NR4A3: variants seen among roughly 807,000 people sequenced by gnomAD.
The protein encoded by NR4A3 is chondrosarcoma, extraskeletal myxoid, fused to EWS.
In NR4A3, 13 loss-of-function variants were observed where a neutral mutation model predicts 55.6. That is an observed-to-expected ratio of 0.23 (90% CI 0.15 to 0.37). NR4A3 has a LOEUF of 0.37. NR4A3 is among the 10% of genes least tolerant of loss of function. The pLI, the probability that NR4A3 is intolerant of heterozygous loss-of-function variation, is 1.00. For synonymous variants in NR4A3, 342 were observed against 357.9 expected (o/e 0.96, Z 0.50); for missense variants, 646 against 822.8 (o/e 0.79, Z 2.63).
chr9:99,862,103 A>G (rs1292404632), intron 7 of NR4A3, among the ~76,000 whole-genome samples: 3 of 152,166 alleles, frequency 2.0e-5, no homozygotes, highest in Non-Finnish European at 4.4e-5. Flanking sequence ...CAAAAAAAAA[A>G]AAAATTAATT....
At chr9:99,830,637 A>T (rs1827420332) in intron 3 of NR4A3, among the ~76,000 whole-genome samples, 1 of 152,104 alleles carries the variant, frequency 6.6e-6, no homozygotes, top group African/African-American at 2.4e-5. Context: ...ATTTTATTTT[A>T]TTTTTTAGCC....
At position 99,860,214 on chromosome 9, in the gene NR4A3, GT is replaced by G. The variant is rs11370881; in HGVS notation, c.1634-3395del. On this transcript the variant is annotated intron_variant, in intron 7 of 7. Transcript: ENST00000395097. Reference sequence around the variant, plus strand: ...CTACTCTTTATTTAATGTTGTAAACGTTTTTTTTTTTAATTTTGCTTCATGG... The same window carrying G: ...CTACTCTTTATTTAATGTTGTAAACGTTTTTTTTTTAATTTTGCTTCATGG... Among the ~76,000 whole-genome samples, 700 of 148,298 alleles carry G rather than the reference GT, an allele frequency of 4.7e-3. 8 individuals carry two copies. Among genetic ancestry groups the G allele is most frequent in the African/African-American group, 0.015 (606 of 40,368 alleles).
Position 99,864,520 on chromosome 9 carries a change from C to A in NR4A3, c.*653C>A, listed in dbSNP as rs1161254654. 2 of 227,038 alleles carry A rather than the reference C, an allele frequency of 8.8e-6. No homozygotes were observed. The highest frequency in any genetic ancestry group is 1.8e-5 in the Non-Finnish European group (2 of 113,986). 14.1% of individuals were successfully genotyped at this position (227,038 alleles called of 1,614,324 possible). A position where few individuals can be genotyped will look rare whatever the true frequency, so the allele number is the denominator to read the frequency against. On this transcript the variant is annotated 3_prime_UTR_variant, in exon 8 of 8. Transcript: ENST00000395097. ...TTACTAAGTCTTGTTTATTAACTCT[C>A]CTTTATTCTATATGGAAATAAAAAG...
intron 7 of NR4A3, 105 bp downstream of exon 7, chr9:99,847,720 CTA>C (rs1473402820): frequency 9.4e-7 from 1 of 1,066,472 alleles, no homozygotes; most frequent in East Asian, 2.4e-5. Flanking sequence ...GGGAAAATGA[CTA>C]CCATTTTTCT....
At chr9:99,855,696 G>A (rs940613274) in intron 7 of NR4A3, among the ~76,000 whole-genome samples, 2 of 152,248 alleles carry the variant, frequency 1.3e-5, no homozygotes, top group African/African-American at 4.8e-5. Context: ...AGGATGTTGT[G>A]TATGACATGA....
At chr9:99,829,022 C>T (rs1400628497) in intron 3 of NR4A3, 29 bp downstream of exon 3, 2 of 1,311,342 alleles carry the variant, frequency 1.5e-6, no homozygotes, top group African/African-American at 3.0e-5. Flanking sequence ...CTCCCCTCCG[C>T]ACCCAGCCCC....
Position 99,844,702 on chromosome 9 carries a change from A to T in NR4A3, c.1308A>T (p.Gln436His). 1 of 1,614,208 alleles carries T rather than the reference A, an allele frequency of 6.2e-7. No individual in the cohort carries two copies. The highest frequency in any genetic ancestry group is 8.5e-7 in the Non-Finnish European group (1 of 1,180,032). The change falls in exon 6 of 8, where the codon CAA becomes CAT. Residue 436 changes from glutamine to histidine, a missense_variant. Gln to His is a conservative substitution (Grantham distance 24). Coordinates refer to ENST00000395097, the MANE Select transcript of NR4A3 (RefSeq NM_006981.4). ...AAGTDAEHVQ[Q>H]FYNLLTASID... ...GCACAGATGCTGAGCATGTGCAACA[A>T]TTCTACAACCTCCTGACAGCCTCCA...
Position 99,866,303 on chromosome 9 carries a change from G to A in NR4A3, c.*2436G>A, listed in dbSNP as rs888906298. The A allele has an allele frequency of 4.5e-5, 10 of 221,340 alleles. No homozygotes were observed. Among genetic ancestry groups the A allele is most frequent in the Non-Finnish European group, 7.2e-5 (8 of 110,416 alleles). 13.7% of individuals were successfully genotyped at this position (221,340 alleles called of 1,614,324 possible). On this transcript the variant is annotated 3_prime_UTR_variant, in exon 8 of 8. Transcript: ENST00000395097. ...TGGAAAGTTAATCCTTGTTTTTGTC[G>A]TGTCTATAAAGGAAGAACAAAACAA...
chr9:99,863,939 G>C lies in NR4A3; in HGVS notation c.*72G>C. ...TGCTACGCAGCAAAGGGATAGGTTT[G>C]GAAACCTATCATTTCCTGTCCTTCC... On this transcript the variant is annotated 3_prime_UTR_variant, in exon 8 of 8. Transcript: ENST00000395097. 2.7e-6 allele frequency: 4 copies of C among 1,486,962 alleles called. No individual in the cohort carries two copies. The highest frequency in any genetic ancestry group is 2.7e-6 in the Non-Finnish European group (3 of 1,102,920). 92.1% of individuals were successfully genotyped at this position (1,486,962 alleles called of 1,614,324 possible).
chr9:99,863,724 G>C lies in NR4A3; in HGVS notation c.1738G>C (p.Glu580Gln). ...TAAGGGACAGGCTCTGGAGCCCACCGAGTCCAAGGTCCTGGGTGCCCTGGT... is the reference window on the plus strand; with the variant it reads ...TAAGGGACAGGCTCTGGAGCCCACCCAGTCCAAGGTCCTGGGTGCCCTGGT... ...QSKGQALEPTESKVLGALVEL... is the reference protein window; with the variant it reads ...QSKGQALEPTQSKVLGALVEL... Residue 580 changes from glutamate to glutamine, a missense_variant, in exon 8 of 8, where the codon GAG becomes CAG. This residue lies in a region of NR4A3 where 163 missense variants were observed against 233.0 expected (regional missense o/e 0.70). Transcript: ENST00000395097. The C allele has an allele frequency of 6.2e-7, 1 of 1,613,950 alleles. No individual in the cohort carries two copies. The highest frequency in any genetic ancestry group is 8.5e-7 in the Non-Finnish European group (1 of 1,179,964).
In NR4A3 at chr9:99,836,662, G is replaced by C. The variant is rs149139712; in HGVS notation, c.1254+3208G>C. Among the ~76,000 whole-genome samples the C allele has an allele frequency of 1.1e-3, 169 of 152,290 alleles. 1 individual carries two copies. The East Asian group carries it at 0.029, about 26-fold the overall frequency. ...AGACAGATCTAGAGAGAGGAGGGGG[G>C]CCTCTTCCCGCTCACTTGTCTGATA... is the stretch of plus-strand genomic sequence containing the variant. On this transcript the variant is annotated intron_variant, in intron 5 of 7. Coordinates refer to ENST00000395097, the MANE Select transcript of NR4A3 (RefSeq NM_006981.4).
Position 99,866,144 on chromosome 9 carries a change from C to T in NR4A3, c.*2277C>T. ...TGCATTAATTTTTTGAGCTTATATG[C>T]AAACATAATAAATATTATTAAATAT... On this transcript the variant is annotated 3_prime_UTR_variant, in exon 8 of 8. Transcript: ENST00000395097. The T allele has an allele frequency of 4.7e-6, 1 of 210,802 alleles. No individual in the cohort carries two copies. Among genetic ancestry groups the T allele is most frequent in the Non-Finnish European group, 9.6e-6 (1 of 103,810 alleles). The allele number at this position is 210,802 out of a possible 1,614,324, so 13.1% of individuals were successfully genotyped here.
In NR4A3 at chr9:99,822,864, G is replaced by C. The variant is rs1827208486; in HGVS notation, c.-177+457G>C. On this transcript the variant is annotated intron_variant, in intron 1 of 7. Transcript: ENST00000395097. This position sits in a 1 kb window ranked among gnomAD's most constrained non-coding sequence, Gnocchi z 4.9. ...AAAATAGGAGCTCTGGTGGGTCCAAGTAAATGTTGCTAATGGTGGCACCGA... is the reference window on the plus strand; with the variant it reads ...AAAATAGGAGCTCTGGTGGGTCCAACTAAATGTTGCTAATGGTGGCACCGA... Among the ~76,000 whole-genome samples the C allele has an allele frequency of 6.6e-6, 1 of 152,202 alleles. No individual in the cohort carries two copies. The highest frequency in any genetic ancestry group is 1.5e-5 in the Non-Finnish European group (1 of 68,036).
In NR4A3 at chr9:99,847,357, T is replaced by G. The variant is rs7039228; in HGVS notation, c.1455-80T>G. 18,466 of 1,360,914 alleles carry G rather than the reference T, an allele frequency of 0.014. 1,829 individuals carry two copies. In the African/African-American group the frequency reaches 0.22, roughly 16 times the overall value. 84.3% of individuals were successfully genotyped at this position (1,360,914 alleles called of 1,614,324 possible). A position where few individuals can be genotyped will look rare whatever the true frequency, so the allele number is the denominator to read the frequency against. On this transcript the variant is annotated intron_variant, in intron 6 of 7. Coordinates refer to ENST00000395097, the MANE Select transcript of NR4A3 (RefSeq NM_006981.4). Reference sequence around the variant, plus strand: ...CCCAATGCTGCCCCATGGCTGTCTGTGTGCCTGTGTGTCATAATGTTATCA... The same window carrying G: ...CCCAATGCTGCCCCATGGCTGTCTGGGTGCCTGTGTGTCATAATGTTATCA...
At chr9:99,857,335 T>C (rs534768660) in intron 7 of NR4A3, among the ~76,000 whole-genome samples, 2 of 152,300 alleles carry the variant, frequency 1.3e-5, no homozygotes, top group African/African-American at 2.4e-5. Context: ...ATAGAGAGGA[T>C]ACTTGCAAAT....
chr9:99,845,579 T>C (rs908425590), intron 6 of NR4A3, among the ~76,000 whole-genome samples: 3 of 152,188 alleles, frequency 2.0e-5, no homozygotes, highest in Admixed American at 2.0e-4. Context: ...TGATACCAAC[T>C]TTTTACCAAA....
chr9:99,863,653 A>G lies in NR4A3; in HGVS notation c.1667A>G (p.Glu556Gly). The G allele has an allele frequency of 6.2e-7, 1 of 1,613,970 alleles. No individual in the cohort carries two copies. Among genetic ancestry groups the G allele is most frequent in the Non-Finnish European group, 8.5e-7 (1 of 1,179,938 alleles). The change falls in exon 8 of 8, where the codon GAA becomes GGA. Residue 556 changes from glutamate to glycine, a missense_variant. By Grantham distance (98) the Glu-to-Gly change is moderately conservative. Around this residue, in one of 5 missense-constraint regions of NR4A3, gnomAD observed 163 missense variants for 233.0 expected, o/e 0.70. Coordinates refer to ENST00000395097, the MANE Select transcript of NR4A3 (RefSeq NM_006981.4). Reference protein sequence around the residue: ...RHGLKEPKRVEELCNKITSSL... With the variant: ...RHGLKEPKRVGELCNKITSSL... Reference sequence around the variant, plus strand: ...GGGTTAAAAGAACCAAAGAGAGTCGAAGAGCTATGCAACAAGATCACAAGC... The same window carrying G: ...GGGTTAAAAGAACCAAAGAGAGTCGGAGAGCTATGCAACAAGATCACAAGC...
At chr9:99,831,510 T>C (rs1827440360) in intron 3 of NR4A3, among the ~76,000 whole-genome samples, 1 of 152,176 alleles carries the variant, frequency 6.6e-6, no homozygotes, top group Non-Finnish European at 1.5e-5. Flanking sequence ...GGTAACAGGG[T>C]AAAACTGAAA....
Position 99,822,232 on chromosome 9 carries a change from G to C in NR4A3, c.-352G>C, listed in dbSNP as rs1472007564. ...GACGCCCGCGGAACCTCTCGGCTGT[G>C]CTCTCCCATGAGTCGGGATCGCAGC... On this transcript the variant is annotated 5_prime_UTR_variant, in exon 1 of 8. Transcript: ENST00000395097. This position sits in a 1 kb window ranked among gnomAD's most constrained non-coding sequence, Gnocchi z 4.9. 1 of 152,322 alleles carries C rather than the reference G, an allele frequency of 6.6e-6. No individual in the cohort carries two copies. The highest frequency in any genetic ancestry group is 2.4e-5 in the African/African-American group (1 of 41,402). 9.4% of individuals were successfully genotyped at this position (152,322 alleles called of 1,614,324 possible).
Sources: gnomAD v4.1 joint callset for allele counts (sites outside exome capture counted in the v4.1 genomes callset) on GRCh38, gnomAD v4.1.1 for gene constraint, gnomAD v4.1.1 regional missense constraint, Gnocchi (gnomAD v3.1) non-coding constraint, MANE v1.5 for transcripts, NCBI Gene and HGNC (gene_info 2026-07-23, HGNC 2026-07-21) for gene names.